RAD51B: variants seen among roughly 807,000 people sequenced by gnomAD.
The protein encoded by RAD51B is RAD51 paralog B.
In RAD51B, 38 loss-of-function variants were observed where a neutral mutation model predicts 42.2. The observed-to-expected ratio is 0.90, with a 90% CI of 0.70 to 1.18. The LOEUF is 1.18. RAD51B is among the 50% of genes most tolerant of loss of function. The pLI is 0.00. For synonymous variants in RAD51B, 154 were observed against 145.2 expected (o/e 1.06, Z -0.43); for missense variants, 373 against 400.7 (o/e 0.93, Z 0.59).
chr14:68,330,584 ACTGG>A (rs1194631509), intron 8 of RAD51B, among the ~76,000 whole-genome samples: 1 of 152,224 alleles, frequency 6.6e-6, no homozygotes, highest in Non-Finnish European at 1.5e-5. Context: ...ATGAGGAAAC[ACTGG>A]CTGGTTTGCC....
chr14:68,306,583 A>G (rs374890861), intron 8 of RAD51B: 4 of 503,160 alleles, frequency 7.9e-6, no homozygotes, highest in Non-Finnish European at 1.2e-5. Flanking sequence ...CTTTTGACCA[A>G]TTTGCATTGG....
At chr14:68,543,507 G>T (rs1432432780) in intron 10 of RAD51B, among the ~76,000 whole-genome samples, 3 of 152,194 alleles carry the variant, frequency 2.0e-5, no homozygotes, top group African/African-American at 7.2e-5. Context: ...TTGGGTACAA[G>T]ATTAAATGGC....
intron 7 of RAD51B, among the ~76,000 whole-genome samples, chr14:68,150,726 A>C (rs534993192): frequency 2.8e-4 from 42 of 152,186 alleles, no homozygotes; most frequent in African/African-American, 9.9e-4. Context: ...TTGTTCTATT[A>C]GCTGTAACTC....
intron 4 of RAD51B, among the ~76,000 whole-genome samples, chr14:67,855,154 T>C (rs541824995): frequency 6.6e-6 from 1 of 152,182 alleles, no homozygotes; most frequent in South Asian, 2.1e-4. Context: ...TGCCTTGGCC[T>C]CCCAAAGTGC....
chr14:68,269,582 A>G (rs1157784033), intron 7 of RAD51B, among the ~76,000 whole-genome samples: 1 of 152,116 alleles, frequency 6.6e-6, no homozygotes, highest in Admixed American at 6.5e-5. Flanking sequence ...TACACCCGAT[A>G]TTTTATTTCC....
chr14:68,591,573 G>A (rs1423826375), intron 10 of RAD51B, among the ~76,000 whole-genome samples: 1 of 152,190 alleles, frequency 6.6e-6, no homozygotes, highest in Non-Finnish European at 1.5e-5. Context: ...TGGGTCTGAT[G>A]CTCTTCTTCC....
At chr14:67,923,487 C>T (rs1237452574) in intron 7 of RAD51B, among the ~76,000 whole-genome samples, 2 of 151,586 alleles carry the variant, frequency 1.3e-5, no homozygotes, top group Non-Finnish European at 2.9e-5. Context: ...TTAGTAGAGA[C>T]GGGGTTTCTC....
chr14:68,545,488 T>A (rs1456926999), intron 10 of RAD51B: 5 of 451,832 alleles, frequency 1.1e-5, no homozygotes, highest in Non-Finnish European at 8.9e-6. Context: ...AATGGAACAA[T>A]ATTGCCCTTG....
chr14:67,866,581 G>T (rs1168867867), intron 5 of RAD51B, among the ~76,000 whole-genome samples: 1 of 152,192 alleles, frequency 6.6e-6, no homozygotes, highest in East Asian at 1.9e-4. Context: ...ATACAAAACA[G>T]AGTTTAGGAT....
chr14:68,226,601 G>A (rs778693144), intron 7 of RAD51B, among the ~76,000 whole-genome samples: 1 of 152,208 alleles, frequency 6.6e-6, no homozygotes. Context: ...CGTGTAAGAC[G>A]TAACTTTGCT....
chr14:68,442,039 A>G (rs1444658940), intron 9 of RAD51B, among the ~76,000 whole-genome samples: 2 of 152,312 alleles, frequency 1.3e-5, no homozygotes, highest in East Asian at 1.9e-4. Flanking sequence ...GACTTCCCAG[A>G]CTAAATCAGC....
chr14:68,243,465 G>A (rs1164701259), intron 7 of RAD51B, among the ~76,000 whole-genome samples: 1 of 152,114 alleles, frequency 6.6e-6, no homozygotes, highest in Non-Finnish European at 1.5e-5. Context: ...TGTCATGGTT[G>A]ATGTTATTTT....
chr14:68,025,683 T>C (rs1269814029), intron 7 of RAD51B, among the ~76,000 whole-genome samples: 2 of 152,018 alleles, frequency 1.3e-5, no homozygotes, highest in Non-Finnish European at 2.9e-5. Context: ...AAGTAGTCTC[T>C]GAGGATCTTT....
chr14:68,031,066 C>T (rs118082509), intron 7 of RAD51B, among the ~76,000 whole-genome samples: 2,840 of 152,276 alleles, frequency 0.019, 41 homozygotes, highest in Middle Eastern at 0.041. Context: ...CTGTATTAGT[C>T]CATTTTCACA....
chr14:68,272,429 A>G (rs1451885585), intron 7 of RAD51B, among the ~76,000 whole-genome samples: 5 of 151,578 alleles, frequency 3.3e-5, no homozygotes, highest in Non-Finnish European at 4.4e-5. Context: ...AAATTATTCA[A>G]TGTTGCCATA....
chr14:68,331,237 C>G (rs2082340638), intron 8 of RAD51B, among the ~76,000 whole-genome samples: 1 of 151,292 alleles, frequency 6.6e-6, no homozygotes, highest in Non-Finnish European at 1.5e-5. Flanking sequence ...TGGCGCGTGC[C>G]TATAATCCTA....
At chr14:68,541,895 G>A (rs1396362264) in intron 10 of RAD51B, 6 of 933,650 alleles carry the variant, frequency 6.4e-6, no homozygotes, top group Admixed American at 6.2e-5. Context: ...GATCCCCATT[G>A]GTCCTCTATT....
chr14:68,057,798 T>C (rs2076501031), intron 7 of RAD51B, among the ~76,000 whole-genome samples: 1 of 150,236 alleles, frequency 6.7e-6, no homozygotes, highest in African/African-American at 2.5e-5. Context: ...TCAAGTTCAA[T>C]GTGACTGTAA....
chr14:68,474,704 A>G (rs947483559), intron 10 of RAD51B, among the ~76,000 whole-genome samples: 53 of 152,234 alleles, frequency 3.5e-4, no homozygotes, highest in Admixed American at 1.3e-4. Context: ...CTCAGGCTTC[A>G]TGAGCCTCTG....
Sources: gnomAD v4.1 joint callset for allele counts (sites outside exome capture counted in the v4.1 genomes callset) on GRCh38, gnomAD v4.1.1 for gene constraint, MANE v1.5 for transcripts, NCBI Gene and HGNC (gene_info 2026-07-23, HGNC 2026-07-21) for gene names.